The following NBAS variants were observed in gnomAD, a reference collection of about 807,000 sequenced individuals.
NBAS encodes NBAS subunit of NRZ tethering complex.
Under a neutral mutation model 302.5 loss-of-function variants are expected in NBAS, and 219 were observed. The observed-to-expected ratio is 0.72, with a 90% CI of 0.65 to 0.81. NBAS has a LOEUF of 0.81. Among genes scored for constraint, NBAS ranks in the 30% least tolerant of loss-of-function variants. NBAS has a pLI of 0.00. For missense variants in NBAS, 2,932 were observed against 2,841.6 expected, an observed-to-expected ratio of 1.03 and a Z score of -0.72; for synonymous variants, 1,118 against 1,021.6, an observed-to-expected ratio of 1.09 and a Z score of -1.80.
At chr2:15,296,401 G>T (rs956232942) in intron 40 of NBAS, among the ~76,000 whole-genome samples, 2 of 152,088 alleles carry the variant, frequency 1.3e-5, no homozygotes, top group Non-Finnish European at 2.9e-5. Flanking sequence ...AATTAGCCGG[G>T]TGTGGTGGCA....
the NBAS span, among the ~76,000 whole-genome samples, chr2:14,996,847 A>C: frequency 2.0e-3 from 307 of 152,302 alleles, 2 homozygotes; most frequent in African/African-American, 6.4e-3. Context: ...TCTCTAGCAA[A>C]GCTGTGTGCA....
chr2:15,178,922 T>C, intron 51 of NBAS, 66 bp downstream of exon 51: 2 of 1,594,446 alleles, frequency 1.3e-6, no homozygotes, highest in Admixed American at 3.4e-5. Context: ...AGAATGAAAG[T>C]GCTAATTCAT....
intron 48 of NBAS, among the ~76,000 whole-genome samples, chr2:15,202,051 T>C (rs1208826459): frequency 2.0e-5 from 3 of 152,252 alleles, no homozygotes; most frequent in Non-Finnish European, 4.4e-5. Flanking sequence ...TGCCTGTTTA[T>C]AAACTGCTTA....
chr2:15,163,012 G>A (rs1001565294), downstream of NBAS, among the ~76,000 whole-genome samples: 21 of 152,176 alleles, frequency 1.4e-4, no homozygotes, highest in Admixed American at 5.9e-4. Flanking sequence ...TCAAGGTGAG[G>A]GGAAACAACA....
chr2:14,998,628 C>T, the NBAS span, among the ~76,000 whole-genome samples: 1 of 152,160 alleles, frequency 6.6e-6, no homozygotes, highest in Non-Finnish European at 1.5e-5. Context: ...TGTCCCATTC[C>T]CTTCCCTTCA....
Position 15,390,085 on chromosome 2 carries a change from A to T in NBAS, c.3257+4142T>A, listed in dbSNP as rs536808319. Among the ~76,000 whole-genome samples, 7 of 152,334 alleles carry T rather than the reference A, an allele frequency of 4.6e-5. No homozygotes were observed. In the South Asian group the frequency reaches 1.5e-3, roughly 32 times the overall value. On this transcript the variant is annotated intron_variant, in intron 28 of 51. Transcript: ENST00000281513. ...ACGAATATTCAGACAAGTAGAAGCCATAAACGCCTACAATAAAACTGCCTG... is the reference window on the plus strand; with the variant it reads ...ACGAATATTCAGACAAGTAGAAGCCTTAAACGCCTACAATAAAACTGCCTG...
At chr2:15,331,406 A>C (rs1672343192) in intron 35 of NBAS, among the ~76,000 whole-genome samples, 1 of 152,230 alleles carries the variant, frequency 6.6e-6, no homozygotes, top group Admixed American at 6.5e-5. Context: ...TTTAAACAGA[A>C]AGGATGAAGA....
intron 11 of NBAS, 106 bp from the exon 12 acceptor site, chr2:15,489,128 T>C (rs1198586309): frequency 1.6e-6 from 2 of 1,261,994 alleles, no homozygotes; most frequent in African/African-American, 3.0e-5. Context: ...TGATCTTTAG[T>C]AATTAAGAGT....
At chr2:15,531,132 T>A (rs1295560992) in intron 9 of NBAS, among the ~76,000 whole-genome samples, 2 of 152,058 alleles carry the variant, frequency 1.3e-5, no homozygotes, top group African/African-American at 2.4e-5. Flanking sequence ...ATGCAGGGCT[T>A]CAAAAAAATA....
intron 1 of NBAS, among the ~76,000 whole-genome samples, chr2:15,560,456 G>A (rs1215253023): frequency 6.6e-6 from 1 of 151,856 alleles, no homozygotes; most frequent in Non-Finnish European, 1.5e-5. Context: ...TGCTCACATC[G>A]CTAACTATAG....
chr2:15,482,888 TATG>T (rs1271596719), intron 12 of NBAS, among the ~76,000 whole-genome samples: 1 of 152,166 alleles, frequency 6.6e-6, no homozygotes. Context: ...CTGTGATCCT[TATG>T]ATGAGTTCAG....
rs941651713 is a variant in NBAS at position 15,394,578 on chromosome 2, T to C, written c.3135-229A>G. ...TTTATTAGAATGTAGTTGGGCTAAG[T>C]AGCATACTAAAAGAAAGCATAACCT... is the stretch of plus-strand genomic sequence containing the variant. On this transcript the variant is annotated intron_variant, in intron 27 of 51. Coordinates refer to ENST00000281513, the MANE Select transcript of NBAS (RefSeq NM_015909.4). Among the ~76,000 whole-genome samples, 8 of 152,234 alleles carry C rather than the reference T, an allele frequency of 5.3e-5. No homozygotes were observed. The East Asian group carries it at 1.5e-3, about 29-fold the overall frequency.
intron 42 of NBAS, among the ~76,000 whole-genome samples, chr2:15,282,670 C>A (rs775898700): frequency 6.6e-6 from 1 of 152,080 alleles, no homozygotes; most frequent in African/African-American, 2.4e-5. Context: ...TTTGAGTGAC[C>A]AAAAAGTAGA....
chr2:15,196,303 G>A (rs906134199), intron 48 of NBAS, among the ~76,000 whole-genome samples: 1 of 152,016 alleles, frequency 6.6e-6, no homozygotes, highest in Non-Finnish European at 1.5e-5. Flanking sequence ...TACACACAAA[G>A]ACACACAAAT....
chr2:14,949,032 A>C, the NBAS span, among the ~76,000 whole-genome samples: 1 of 152,190 alleles, frequency 6.6e-6, no homozygotes, highest in African/African-American at 2.4e-5. Context: ...AGAAAACTGA[A>C]TAACCATTTC....
chr2:15,533,729 T>TGTGTGTGTGTGTGTGTGTGTGTG, intron 9 of NBAS, among the ~76,000 whole-genome samples: 1 of 133,590 alleles, frequency 7.5e-6, no homozygotes, highest in African/African-American at 2.8e-5. Context: ...TGTGTGTGTG[T>TGTGTGTGTGTGTGTGTGTGTGTG]TCTAGTATAA....
chr2:15,157,270 G>T, the NBAS span, among the ~76,000 whole-genome samples: 1 of 152,196 alleles, frequency 6.6e-6, no homozygotes, highest in Non-Finnish European at 1.5e-5. Flanking sequence ...AAGCCCAAGA[G>T]TGTGTTCCCT....
At chr2:15,400,492 A>G (rs908724753) in intron 26 of NBAS, among the ~76,000 whole-genome samples, 15 of 152,184 alleles carry the variant, frequency 9.9e-5, no homozygotes, top group Non-Finnish European at 1.9e-4. Context: ...AAGGACTTCC[A>G]TAAAAGGAAG....
intron 11 of NBAS, among the ~76,000 whole-genome samples, chr2:15,500,340 C>T (rs1661448915): frequency 6.6e-6 from 1 of 151,894 alleles, no homozygotes; most frequent in Admixed American, 6.6e-5. Context: ...GCTGCTCTTC[C>T]AACATTCCAC....
Sources: gnomAD v4.1 joint callset for allele counts (sites outside exome capture counted in the v4.1 genomes callset) on GRCh38, gnomAD v4.1.1 for gene constraint, MANE v1.5 for transcripts, NCBI Gene and HGNC (gene_info 2026-07-23, HGNC 2026-07-21) for gene names.